The following BBS9 variants were observed in gnomAD, a reference collection of about 807,000 sequenced individuals.
BBS9 encodes the protein protein PTHB1.
BBS9 carries 89 observed loss-of-function variants against 117.7 expected under a neutral mutation model. The observed-to-expected ratio is 0.76, with a 90% CI of 0.64 to 0.90. The LOEUF (loss-of-function observed/expected upper bound fraction) is 0.90. Among genes scored for constraint, BBS9 ranks in the 40% least tolerant of loss-of-function variants. The pLI, the probability that BBS9 is intolerant of heterozygous loss-of-function variation, is 0.00. For synonymous variants in BBS9, 379 were observed against 370.9 expected (o/e 1.02, Z -0.25); for missense variants, 982 against 1,042.2 (o/e 0.94, Z 0.80).
chr7:33,165,577 A>G (rs1327854150), intron 4 of BBS9, among the ~76,000 whole-genome samples: 2 of 151,350 alleles, frequency 1.3e-5, no homozygotes, highest in Admixed American at 6.6e-5. Context: ...TTATGTCATT[A>G]ATTTGATTTT....
chr7:33,293,098 A>G (rs982544859), intron 9 of BBS9, among the ~76,000 whole-genome samples: 1 of 151,938 alleles, frequency 6.6e-6, no homozygotes, highest in Non-Finnish European at 1.5e-5. Context: ...AAGTGTTTTT[A>G]TGTACAAAAT....
intron 19 of BBS9, among the ~76,000 whole-genome samples, chr7:33,443,959 GT>G (rs1280915941): frequency 2.6e-5 from 4 of 152,208 alleles, no homozygotes; most frequent in African/African-American, 9.6e-5. Context: ...TTGATGAGCT[GT>G]TTGAATTGGT....
chr7:33,597,307 T>C lies in BBS9; in HGVS notation c.2522-7558T>C, dbSNP rs1406166628. On this transcript the variant is annotated intron_variant, in intron 21 of 22. Coordinates refer to ENST00000242067, the MANE Select transcript of BBS9 (RefSeq NM_198428.3). Reference sequence around the variant, plus strand: ...TTGATCAAAAGAAAAATGTCACTGGTGTATATTTTTGAGGTTTCTGCTGTT... The same window carrying C: ...TTGATCAAAAGAAAAATGTCACTGGCGTATATTTTTGAGGTTTCTGCTGTT... Among the ~76,000 whole-genome samples the C allele has an allele frequency of 2.6e-5, 4 of 152,264 alleles. No individual in the cohort carries two copies. The East Asian group carries it at 5.8e-4, about 22-fold the overall frequency.
intron 1 of BBS9, 44 bp from the exon 2 acceptor site, chr7:33,146,198 A>T: frequency 7.8e-7 from 1 of 1,288,044 alleles, no homozygotes; most frequent in Non-Finnish European, 1.1e-6. Context: ...CATAATTATT[A>T]GTTCATAGTG....
At chr7:33,531,257 GGAGA>G (rs1563314694) in intron 20 of BBS9, among the ~76,000 whole-genome samples, 1 of 151,856 alleles carries the variant, frequency 6.6e-6, no homozygotes, top group African/African-American at 2.4e-5. Flanking sequence ...ATAGAGAGAG[GGAGA>G]CAGAGAGAGC....
intron 3 of BBS9, among the ~76,000 whole-genome samples, chr7:33,154,192 C>T (rs1337266375): frequency 6.6e-6 from 1 of 152,088 alleles, no homozygotes; most frequent in Non-Finnish European, 1.5e-5. Context: ...ATGTGATAGT[C>T]ATGTATATTT....
At chr7:33,157,353 G>A (rs568364532) in intron 4 of BBS9, among the ~76,000 whole-genome samples, 2 of 152,236 alleles carry the variant, frequency 1.3e-5, no homozygotes, top group South Asian at 4.1e-4. Context: ...ATTTGCTATG[G>A]GAATGGTGAT....
intron 9 of BBS9, among the ~76,000 whole-genome samples, chr7:33,299,027 AG>A (rs1805833933): frequency 6.6e-6 from 1 of 152,334 alleles, no homozygotes. Context: ...AAATTTTGGA[AG>A]ATGGTTATCT....
At chr7:33,322,002 GTGTTGATT>G (rs1368166736) in intron 9 of BBS9, among the ~76,000 whole-genome samples, 1 of 151,694 alleles carries the variant, frequency 6.6e-6, no homozygotes, top group Non-Finnish European at 1.5e-5. Flanking sequence ...GTCCTTCATT[GTGTTGATT>G]TGATGTATCA....
intron 21 of BBS9, among the ~76,000 whole-genome samples, chr7:33,551,982 G>A (rs1346505902): frequency 6.6e-6 from 1 of 151,978 alleles, no homozygotes; most frequent in East Asian, 1.9e-4. Context: ...AGTTTTTGAA[G>A]TTTTCTGATC....
At position 33,344,659 on chromosome 7, in the gene BBS9, A is replaced by G. The variant is rs749562531; in HGVS notation, c.1329+25A>G. On this transcript the variant is annotated intron_variant, in intron 12 of 22. Coordinates refer to ENST00000242067, the MANE Select transcript of BBS9 (RefSeq NM_198428.3). Reference sequence around the variant, plus strand: ...GGTATTGTACCAGATTTTAGACTGTAATGTGCAAACAATATGATTTATTTC... The same window carrying G: ...GGTATTGTACCAGATTTTAGACTGTGATGTGCAAACAATATGATTTATTTC... 1.9e-6 allele frequency: 3 copies of G among 1,604,304 alleles called. No individual in the cohort carries two copies. The Admixed American group carries it at 5.0e-5, about 27-fold the overall frequency.
intron 9 of BBS9, among the ~76,000 whole-genome samples, chr7:33,309,607 A>G (rs1466959418): frequency 2.0e-5 from 3 of 152,222 alleles, no homozygotes; most frequent in African/African-American, 7.2e-5. Context: ...AAAAGGGACC[A>G]GGTTTTTGAG....
intron 20 of BBS9, among the ~76,000 whole-genome samples, chr7:33,512,302 G>A (rs904977439): frequency 6.6e-5 from 10 of 152,134 alleles, no homozygotes; most frequent in Middle Eastern, 3.2e-3. Context: ...AAGTCAAGTA[G>A]AATACAATGC....
intron 21 of BBS9, among the ~76,000 whole-genome samples, chr7:33,591,155 T>C (rs551400035): frequency 6.6e-6 from 1 of 152,172 alleles, no homozygotes; most frequent in African/African-American, 2.4e-5. Context: ...TGATGACTTT[T>C]TTTTTAAAGG....
intron 4 of BBS9, among the ~76,000 whole-genome samples, chr7:33,156,965 C>G (rs1022014816): frequency 2.0e-5 from 3 of 152,058 alleles, no homozygotes; most frequent in Non-Finnish European, 4.4e-5. Context: ...AGTTGTTCTT[C>G]TGTTTTTGAC....
At chr7:33,561,327 C>T (rs1451018) in intron 21 of BBS9, among the ~76,000 whole-genome samples, 34,592 of 152,106 alleles carry the variant, frequency 0.23, 4,418 homozygotes, top group East Asian at 0.34. Flanking sequence ...TGTCTTATTT[C>T]CTACTTCTTC....
intron 1 of BBS9, among the ~76,000 whole-genome samples, chr7:33,132,850 G>A (rs1204695223): frequency 1.3e-5 from 2 of 151,982 alleles, no homozygotes; most frequent in Non-Finnish European, 2.9e-5. Flanking sequence ...TGATGACTTG[G>A]GATGTCTTCC....
chr7:33,248,279 G>C (rs1218604440), intron 5 of BBS9, among the ~76,000 whole-genome samples: 2 of 151,972 alleles, frequency 1.3e-5, no homozygotes, highest in African/African-American at 4.8e-5. Context: ...GTTTACTTCA[G>C]GTTTTAAAAT....
intron 21 of BBS9, among the ~76,000 whole-genome samples, chr7:33,558,878 A>G (rs1855676653): frequency 1.3e-5 from 2 of 152,222 alleles, no homozygotes; most frequent in Admixed American, 6.5e-5. Context: ...AATCATGACT[A>G]ATGAATTTTT....
Sources: allele counts gnomAD v4.1 joint callset (sites outside exome capture counted in the v4.1 genomes callset), GRCh38; gene constraint gnomAD v4.1.1; transcripts MANE v1.5; gene names NCBI Gene and HGNC (gene_info 2026-07-23, HGNC 2026-07-21).